The following NRXN3 variants were observed in gnomAD, a reference collection of about 807,000 sequenced individuals.
NRXN3 encodes neurexin III.
In NRXN3, 32 loss-of-function variants were observed where a neutral mutation model predicts 137.6. That is an observed-to-expected ratio of 0.23 (90% confidence interval 0.18 to 0.31). The LOEUF (loss-of-function observed/expected upper bound fraction) is 0.31. NRXN3 is among the 10% of genes least tolerant of loss of function. The pLI, the probability that NRXN3 is intolerant of heterozygous loss-of-function variation, is 1.00. For synonymous variants in NRXN3, 798 were observed against 784.5 expected, an observed-to-expected ratio of 1.02 and a Z score of -0.29; for missense variants, 1,574 against 2,062.5, an observed-to-expected ratio of 0.76 and a Z score of 4.59.
chr14:78,538,075 A>G (rs1454817691), intron 4 of NRXN3, among the ~76,000 whole-genome samples: 1 of 152,082 alleles, frequency 6.6e-6, no homozygotes, highest in East Asian at 1.9e-4. Flanking sequence ...TTTGCTTAGG[A>G]TTGACTTGGC....
intron 6 of NRXN3, among the ~76,000 whole-genome samples, chr14:78,703,446 A>G (rs1594924248): frequency 6.6e-6 from 1 of 152,206 alleles, no homozygotes; most frequent in East Asian, 1.9e-4. Flanking sequence ...AACGTTATGC[A>G]ATAATAAGAT....
At chr14:78,758,689 G>A (rs1299068134) in intron 8 of NRXN3, among the ~76,000 whole-genome samples, 1 of 152,140 alleles carries the variant, frequency 6.6e-6, no homozygotes, top group African/African-American at 2.4e-5. Flanking sequence ...CAACAACAGC[G>A]TACTATTAAA....
At chr14:79,203,062 A>G (rs1261656555) in intron 15 of NRXN3, among the ~76,000 whole-genome samples, 3 of 151,978 alleles carry the variant, frequency 2.0e-5, no homozygotes, top group Non-Finnish European at 4.4e-5. Flanking sequence ...TCTGGTGTCC[A>G]TTATCTTTTA....
At chr14:78,236,111 A>C (rs2153446477) in intron 1 of NRXN3, among the ~76,000 whole-genome samples, 1 of 152,346 alleles carries the variant, frequency 6.6e-6, no homozygotes, top group South Asian at 2.1e-4. Flanking sequence ...GAAGTGCATT[A>C]AGTTGCTTTT....
chr14:79,214,127 A>G lies in NRXN3; in HGVS notation c.3262+225986A>G, dbSNP rs373758997. ...GAGGCTCTCAGTTAAATTTTCTTAA[A>G]AAGTCTTTCTGATTATGAAAGTAAT... On this transcript the variant is annotated intron_variant, in intron 15 of 20. Transcript: ENST00000335750. 1.2e-4 allele frequency among the ~76,000 whole-genome samples: 19 copies of G among 152,344 alleles called. No homozygotes were observed. The South Asian group carries it at 3.9e-3, about 32-fold the overall frequency.
At chr14:78,266,530 C>T (rs2071752144) in intron 2 of NRXN3, among the ~76,000 whole-genome samples, 2 of 152,160 alleles carry the variant, frequency 1.3e-5, no homozygotes, top group Non-Finnish European at 2.9e-5. Context: ...ATCTCCTGAC[C>T]TCATGATCCG....
chr14:78,388,238 G>A lies in NRXN3; in HGVS notation c.757+90378G>A, dbSNP rs61976058. On this transcript the variant is annotated intron_variant, in intron 4 of 20. Transcript: ENST00000335750. ...TGATTGAGCCAAAACTGAAATTCGC[G>A]CTTCTGACTCCAAGTGCGAGGCTCC... 4.6e-5 allele frequency among the ~76,000 whole-genome samples: 7 copies of A among 152,234 alleles called. No homozygotes were observed. In the East Asian group the frequency reaches 5.8e-4, roughly 13 times the overall value.
chr14:78,842,666 G>A lies in NRXN3; in HGVS notation c.2275+32322G>A, dbSNP rs2099015796. 2.0e-5 allele frequency among the ~76,000 whole-genome samples: 3 copies of A among 152,092 alleles called. No individual in the cohort carries two copies. In the South Asian group the frequency reaches 6.2e-4, roughly 32 times the overall value. Reference sequence around the variant, plus strand: ...TTTCCTCATCCTAATAAGCCTGGGAGCACCACAGGAGATTGGGGCTTATTT... The same window carrying A: ...TTTCCTCATCCTAATAAGCCTGGGAACACCACAGGAGATTGGGGCTTATTT... On this transcript the variant is annotated intron_variant, in intron 10 of 20. Transcript: ENST00000335750.
In NRXN3 at chr14:78,171,761, T is replaced by C. The variant is rs182458916; in HGVS notation, c.-704+1087T>C. On this transcript the variant is annotated intron_variant, in intron 1 of 20. Coordinates refer to ENST00000335750, the MANE Select transcript of NRXN3 (RefSeq NM_001330195.2). ...GTTAAAAAAAAATAAAATTTTCCCT[T>C]CCTCCATTAAATGTCTGCCTCTTTT... is the stretch of plus-strand genomic sequence containing the variant. Among the ~76,000 whole-genome samples, 144 of 152,190 alleles carry C rather than the reference T, an allele frequency of 9.5e-4. 1 individual carries two copies. Among genetic ancestry groups the C allele is most frequent in the Non-Finnish European group, 2.9e-4 (20 of 68,016 alleles).
chr14:78,419,961 G>GCGCGCACA (rs1555518606), intron 4 of NRXN3, among the ~76,000 whole-genome samples: 1 of 49,148 alleles, frequency 2.0e-5, no homozygotes, highest in African/African-American at 4.5e-5. Context: ...GCGCGCGCAC[G>GCGCGCACA]CACACACACA....
intron 1 of NRXN3, among the ~76,000 whole-genome samples, chr14:78,189,937 C>G (rs983841456): frequency 6.6e-6 from 1 of 152,174 alleles, no homozygotes; most frequent in South Asian, 2.1e-4. Context: ...GCACTCTGGC[C>G]GTCCTTACCG....
intron 4 of NRXN3, among the ~76,000 whole-genome samples, chr14:78,584,744 T>C (rs1159701555): frequency 6.6e-6 from 1 of 152,216 alleles, no homozygotes; most frequent in African/African-American, 2.4e-5. Context: ...ATTTTACATC[T>C]TGTGTGAGAG....
At chr14:79,463,524 C>T (rs2096380894) in intron 15 of NRXN3, among the ~76,000 whole-genome samples, 1 of 152,014 alleles carries the variant, frequency 6.6e-6, no homozygotes, top group Non-Finnish European at 1.5e-5. Context: ...GAGATGTATC[C>T]TCTTAATCTT....
intron 4 of NRXN3, among the ~76,000 whole-genome samples, chr14:78,496,449 T>C (rs181149174): frequency 6.6e-6 from 1 of 152,190 alleles, no homozygotes; most frequent in South Asian, 2.1e-4. Context: ...ATGATTTTCT[T>C]TTCTTTCTCA....
At chr14:79,376,981 C>A (rs2094320716) in intron 15 of NRXN3, among the ~76,000 whole-genome samples, 1 of 152,134 alleles carries the variant, frequency 6.6e-6, no homozygotes, top group Admixed American at 6.6e-5. Context: ...ATCAAATTTT[C>A]TTTTATGATA....
intron 15 of NRXN3, among the ~76,000 whole-genome samples, chr14:79,241,559 C>G (rs2074301106): frequency 1.3e-5 from 2 of 152,052 alleles, no homozygotes; most frequent in African/African-American, 4.8e-5. Context: ...GGAAACTGCC[C>G]CCATGATTCA....
At chr14:78,686,846 G>A (rs1426984764) in intron 6 of NRXN3, among the ~76,000 whole-genome samples, 2 of 152,138 alleles carry the variant, frequency 1.3e-5, no homozygotes, top group Admixed American at 6.5e-5. Context: ...CTCACTGAAT[G>A]TGACTTTCTG....
chr14:79,701,335 T>C (rs572572438), intron 19 of NRXN3, among the ~76,000 whole-genome samples: 121 of 152,194 alleles, frequency 8.0e-4, no homozygotes, highest in African/African-American at 2.4e-3. Flanking sequence ...GATTTCAAAA[T>C]TCTGTGAGAC....
chr14:78,610,212 G>A (rs949352298), intron 4 of NRXN3, among the ~76,000 whole-genome samples: 6 of 152,178 alleles, frequency 3.9e-5, no homozygotes, highest in Non-Finnish European at 8.8e-5. Flanking sequence ...CAACTAGCAC[G>A]TGGAAATATT....
Sources: gnomAD v4.1 joint callset for allele counts (sites outside exome capture counted in the v4.1 genomes callset) on GRCh38, gnomAD v4.1.1 for gene constraint, MANE v1.5 for transcripts, NCBI Gene and HGNC (gene_info 2026-07-23, HGNC 2026-07-21) for gene names.